NGF: variants seen among roughly 807,000 people sequenced by gnomAD.
NGF encodes the protein nerve growth factor.
NGF carries 4 observed loss-of-function variants against 12.8 expected under a neutral mutation model. The ratio of observed to expected loss-of-function variants is 0.31; its 90% CI spans 0.15 to 0.72. NGF has a LOEUF of 0.72. Ranked by LOEUF, NGF falls within the 30% of genes least tolerant of loss-of-function variation. The pLI is 0.69. For synonymous variants in NGF, 140 were observed against 130.0 expected, an observed-to-expected ratio of 1.08 and a Z score of -0.52; for missense variants, 283 against 330.8, an observed-to-expected ratio of 0.86 and a Z score of 1.12.
intron 1 of NGF, among the ~76,000 whole-genome samples, chr1:115,320,199 T>G (rs61799438): frequency 0.22 from 32,888 of 152,038 alleles, 3,835 homozygotes; most frequent in South Asian, 0.31. Flanking sequence ...CAATAGTTGC[T>G]CTTTACCCAC....
At chr1:115,303,775 A>G (rs535379057) in intron 1 of NGF, among the ~76,000 whole-genome samples, 11 of 152,166 alleles carry the variant, frequency 7.2e-5, no homozygotes, top group East Asian at 1.9e-4. Context: ...AGTTTGACCA[A>G]TGTTCTCCAA....
chr1:115,294,934 C>T (rs569436481), intron 1 of NGF, among the ~76,000 whole-genome samples: 7 of 152,224 alleles, frequency 4.6e-5, no homozygotes, highest in East Asian at 1.9e-4. Flanking sequence ...GTGATATTTA[C>T]GGATAAATGA....
At chr1:115,298,751 C>A (rs1398691451) in intron 1 of NGF, among the ~76,000 whole-genome samples, 1 of 151,968 alleles carries the variant, frequency 6.6e-6, no homozygotes, top group Non-Finnish European at 1.5e-5. Context: ...GGCCAACCCA[C>A]TATTTGGTAA....
intron 1 of NGF, among the ~76,000 whole-genome samples, chr1:115,301,253 G>T (rs1654026061): frequency 6.6e-6 from 1 of 152,078 alleles, no homozygotes; most frequent in African/African-American, 2.4e-5. Context: ...TTCCAGAGAT[G>T]AGGGCAGACA....
intron 1 of NGF, among the ~76,000 whole-genome samples, chr1:115,304,809 C>G (rs1363999745): frequency 6.6e-6 from 1 of 152,138 alleles, no homozygotes; most frequent in Non-Finnish European, 1.5e-5. Flanking sequence ...CCCTTCCACC[C>G]CAGCGGGAGA....
chr1:115,322,321 C>T (rs1341104267), intron 1 of NGF, among the ~76,000 whole-genome samples: 4 of 152,138 alleles, frequency 2.6e-5, no homozygotes, highest in African/African-American at 9.7e-5. Flanking sequence ...AGGGTGACAG[C>T]CAGGTGGGAC....
chr1:115,332,056 C>G (rs1295898492), intron 1 of NGF, among the ~76,000 whole-genome samples: 7 of 152,194 alleles, frequency 4.6e-5, no homozygotes, highest in African/African-American at 1.7e-4. Flanking sequence ...TAGCAAAATT[C>G]ACTTTCTCTT....
intron 1 of NGF, among the ~76,000 whole-genome samples, chr1:115,302,034 A>G (rs1231790995): frequency 3.9e-5 from 6 of 152,210 alleles, no homozygotes; most frequent in Non-Finnish European, 2.9e-5. Flanking sequence ...TCTTAGGAGT[A>G]TTTCTATCCG....
At chr1:115,293,956 C>T (rs530247007) in intron 1 of NGF, among the ~76,000 whole-genome samples, 1 of 152,356 alleles carries the variant, frequency 6.6e-6, no homozygotes, top group South Asian at 2.1e-4. Context: ...GCACCTGCCT[C>T]TCACTCTTGC....
chr1:115,337,830 C>G (rs919710269), intron 1 of NGF, among the ~76,000 whole-genome samples: 6 of 152,138 alleles, frequency 3.9e-5, no homozygotes, highest in African/African-American at 1.4e-4. Context: ...CGGCGCATCC[C>G]TCTCCGCGCC....
chr1:115,311,805 T>C (rs1414870611), intron 1 of NGF, among the ~76,000 whole-genome samples: 2 of 152,186 alleles, frequency 1.3e-5, no homozygotes, highest in African/African-American at 4.8e-5. Flanking sequence ...ACTCAGCATA[T>C]GTAAATCAAA....
chr1:115,321,324 A>G (rs1455445161), intron 1 of NGF, among the ~76,000 whole-genome samples: 1 of 152,178 alleles, frequency 6.6e-6, no homozygotes, highest in Admixed American at 6.5e-5. Flanking sequence ...TGGAAGGAAG[A>G]AATGAACTGA....
chr1:115,320,028 G>C (rs1451524996), intron 1 of NGF, among the ~76,000 whole-genome samples: 1 of 152,152 alleles, frequency 6.6e-6, no homozygotes, highest in Non-Finnish European at 1.5e-5. Flanking sequence ...AATCCAGATG[G>C]CCCAGGGTCT....
chr1:115,315,497 C>T (rs1475068877), intron 1 of NGF, among the ~76,000 whole-genome samples: 1 of 152,030 alleles, frequency 6.6e-6, no homozygotes, highest in Non-Finnish European at 1.5e-5. Flanking sequence ...AGCTTTTTGG[C>T]ACCCAGCTGA....
At chr1:115,295,203 T>TG (rs1653828663) in intron 1 of NGF, among the ~76,000 whole-genome samples, 1 of 152,096 alleles carries the variant, frequency 6.6e-6, no homozygotes, top group African/African-American at 2.4e-5. Flanking sequence ...AGTTGGAGAA[T>TG]GGGGAGGTAG....
At chr1:115,325,536 A>G (rs1354669355) in intron 1 of NGF, among the ~76,000 whole-genome samples, 2 of 152,150 alleles carry the variant, frequency 1.3e-5, no homozygotes, top group African/African-American at 4.8e-5. Context: ...AATCACCTTC[A>G]TTTAAGAACC....
chr1:115,294,924 G>T (rs1397119530), intron 1 of NGF, among the ~76,000 whole-genome samples: 1 of 152,302 alleles, frequency 6.6e-6, no homozygotes, highest in South Asian at 2.1e-4. Context: ...GAACAAGAGG[G>T]TGATATTTAC....
chr1:115,314,340 A>G (rs1654415296), intron 1 of NGF, among the ~76,000 whole-genome samples: 1 of 151,944 alleles, frequency 6.6e-6, no homozygotes, highest in African/African-American at 2.4e-5. Context: ...CTGGGATTGC[A>G]CCTCCCTGTT....
chr1:115,336,433 C>G (rs1655110459), intron 1 of NGF, among the ~76,000 whole-genome samples: 1 of 151,708 alleles, frequency 6.6e-6, no homozygotes, highest in Non-Finnish European at 1.5e-5. Context: ...TAACCCTATC[C>G]CCCTTCAACA....
Sources: gnomAD v4.1 joint callset for allele counts (sites outside exome capture counted in the v4.1 genomes callset) on GRCh38, gnomAD v4.1.1 for gene constraint, MANE v1.5 for transcripts, NCBI Gene and HGNC (gene_info 2026-07-23, HGNC 2026-07-21) for gene names.